The following LGR5 variants were observed in gnomAD, a reference collection of about 807,000 sequenced individuals.
The protein encoded by LGR5 is leucine rich repeat containing G protein-coupled receptor 5, also known as leucine-rich repeat-containing G protein-coupled receptor 5.
LGR5 carries 54 observed loss-of-function variants against 76.7 expected under a neutral mutation model. That is an observed-to-expected ratio of 0.70 (90% CI 0.57 to 0.88). The LOEUF (loss-of-function observed/expected upper bound fraction) is 0.88. LGR5 is among the 40% of genes least tolerant of loss of function. LGR5 has a pLI of 0.00. For synonymous variants in LGR5, 406 were observed against 421.9 expected (o/e 0.96, Z 0.46); for missense variants, 1,078 against 1,073.3 (o/e 1.00, Z -0.06).
At chr12:71,443,146 C>T (rs74101821) in intron 1 of LGR5, among the ~76,000 whole-genome samples, 3,515 of 152,282 alleles carry the variant, frequency 0.023, 128 homozygotes, top group African/African-American at 0.081. Context: ...TTGATGATGG[C>T]AAGTTCCAGC....
In LGR5 at chr12:71,496,762, C is replaced by A. The variant is rs58803257; in HGVS notation, c.213-7852C>A. Among the ~76,000 whole-genome samples, 284 of 152,192 alleles carry A rather than the reference C, an allele frequency of 1.9e-3. 4 individuals are homozygous for A. In the Middle Eastern group the frequency reaches 0.024, roughly 13 times the overall value. On this transcript the variant is annotated intron_variant, in intron 1 of 17. Transcript: ENST00000266674. ...AACACTATGTTGCATTAAGAAGGAA[C>A]AAACTATTGCTATGCACAACATAAG...
chr12:71,577,948 C>G lies in LGR5; in HGVS notation c.1232C>G (p.Ala411Gly), dbSNP rs147277449. 1.5e-5 allele frequency: 24 copies of G among 1,613,398 alleles called. No homozygotes were observed. The African/African-American group carries it at 2.7e-4, about 18-fold the overall frequency. The stretch of plus-strand genomic sequence containing the variant: ...AGGAATTTGGCTTGGAACAAAATTG[C>G]TATTATTCACCCCAATGCATTTTCC... ...RSLNLAWNKI[A>G]IIHPNAFSTL... Residue 411 changes from alanine to glycine, a missense_variant, in exon 14 of 18, where the codon GCT becomes GGT. Ala to Gly is a moderately conservative substitution (Grantham distance 60, BLOSUM62 0). Transcript: ENST00000266674.
At chr12:71,540,150 T>A (rs1032614223) in intron 4 of LGR5, among the ~76,000 whole-genome samples, 3 of 152,158 alleles carry the variant, frequency 2.0e-5, no homozygotes, top group Admixed American at 2.0e-4. Flanking sequence ...AGTTAAGAAA[T>A]CAATCTATTT....
intron 1 of LGR5, among the ~76,000 whole-genome samples, chr12:71,496,480 G>A (rs2137289598): frequency 6.6e-6 from 1 of 151,930 alleles, no homozygotes; most frequent in African/African-American, 2.4e-5. Flanking sequence ...TAGGCTACTT[G>A]TGGGAGTATA....
intron 1 of LGR5, among the ~76,000 whole-genome samples, chr12:71,496,391 A>AAAAAAAGAG (rs1555169618): frequency 4.3e-5 from 5 of 115,054 alleles, no homozygotes; most frequent in Admixed American, 9.6e-5. Context: ...AAAAAAAAAA[A>AAAAAAAGAG]AGAGAGAGAG....
rs114930071 is a variant in LGR5 at position 71,571,676 on chromosome 12, G to A, written c.1136+97G>A. On this transcript the variant is annotated intron_variant, in intron 12 of 17. Transcript: ENST00000266674. The stretch of plus-strand genomic sequence containing the variant: ...TTCATTTACCCTGTGGTTCACTGGG[G>A]AGACATGTGATCCTTTTCCTTCTTA... 1,029 of 828,130 alleles carry A rather than the reference G, an allele frequency of 1.2e-3. 6 individuals carry two copies. The African/African-American group carries it at 0.016, about 13-fold the overall frequency. The allele number at this position is 828,130 out of a possible 1,614,324, so 51.3% of individuals were successfully genotyped here. A position where few individuals can be genotyped will look rare whatever the true frequency, so the allele number is the denominator to read the frequency against.
At position 71,543,927 on chromosome 12, in the gene LGR5, GA is replaced by G. The variant is rs1421561988; in HGVS notation, c.428+8746del. On this transcript the variant is annotated intron_variant, in intron 4 of 17. Coordinates refer to ENST00000266674, the MANE Select transcript of LGR5 (RefSeq NM_003667.4). ...TGGAAGACTAATAGTGCCCCTGATA[GA>G]AAAAGGGTCTTCGTTTTCTATGAAG... 2.0e-5 allele frequency among the ~76,000 whole-genome samples: 3 copies of G among 152,262 alleles called. No homozygotes were observed. The East Asian group carries it at 5.8e-4, about 29-fold the overall frequency.
intron 14 of LGR5, among the ~76,000 whole-genome samples, chr12:71,578,235 T>A (rs951601358): frequency 1.3e-5 from 2 of 152,174 alleles, no homozygotes; most frequent in African/African-American, 4.8e-5. Context: ...CAGCTGAAGT[T>A]TTTTATTTGT....
At chr12:71,511,274 C>T (rs1297661430) in intron 2 of LGR5, among the ~76,000 whole-genome samples, 1 of 152,076 alleles carries the variant, frequency 6.6e-6, no homozygotes, top group Non-Finnish European at 1.5e-5. Flanking sequence ...ATATATTGTC[C>T]CTGGACAGTG....
intron 2 of LGR5, among the ~76,000 whole-genome samples, chr12:71,522,927 C>T (rs913880892): frequency 1.3e-5 from 2 of 152,226 alleles, no homozygotes; most frequent in Non-Finnish European, 2.9e-5. Flanking sequence ...GTTAGTGCTG[C>T]AGACCCAAGA....
chr12:71,547,982 C>A (rs79924918), intron 4 of LGR5, among the ~76,000 whole-genome samples: 20,489 of 151,996 alleles, frequency 0.13, 1,474 homozygotes, highest in South Asian at 0.18. Flanking sequence ...GTAACAGACC[C>A]CCCCCAAAAG....
intron 1 of LGR5, among the ~76,000 whole-genome samples, chr12:71,487,912 T>C (rs750072275): frequency 5.1e-4 from 77 of 152,220 alleles, no homozygotes; most frequent in Non-Finnish European, 8.7e-4. Context: ...CAACAGTAGT[T>C]ATACGCCATC....
chr12:71,536,776 TC>T (rs1437120989), intron 4 of LGR5, among the ~76,000 whole-genome samples: 1 of 152,180 alleles, frequency 6.6e-6, no homozygotes, highest in South Asian at 2.1e-4. Flanking sequence ...AAACCATGAA[TC>T]TTTTGTTCAC....
At chr12:71,474,138 A>G (rs1336025973) in intron 1 of LGR5, among the ~76,000 whole-genome samples, 4 of 76,440 alleles carry the variant, frequency 5.2e-5, no homozygotes, top group Non-Finnish European at 2.7e-5. Flanking sequence ...TTCTATAAAA[A>G]CTAAATACAA....
At chr12:71,460,242 C>T (rs746910603) in intron 1 of LGR5, among the ~76,000 whole-genome samples, 2 of 151,840 alleles carry the variant, frequency 1.3e-5, no homozygotes, top group Non-Finnish European at 2.9e-5. Context: ...ACAACAGTGA[C>T]TGGAAATGAA....
In LGR5 at chr12:71,439,850, C is replaced by G. The variant is rs1871666374; in HGVS notation, c.-231C>G. 4 of 499,234 alleles carry G rather than the reference C, an allele frequency of 8.0e-6. No individual in the cohort carries two copies. The highest frequency in any genetic ancestry group is 4.1e-5 in the African/African-American group (2 of 48,780). 30.9% of individuals were successfully genotyped at this position (499,234 alleles called of 1,614,324 possible). A position where few individuals can be genotyped will look rare whatever the true frequency, so the allele number is the denominator to read the frequency against. The stretch of plus-strand genomic sequence containing the variant: ...CAGCAAGGCGCACCGCCACTGTCGC[C>G]GCTGCAGCCAGGGCTGCTCCGAAGG... On this transcript the variant is annotated 5_prime_UTR_variant, in exon 1 of 18. Transcript: ENST00000266674.
In LGR5 at chr12:71,497,291, G is replaced by T. The variant is rs1326138108; in HGVS notation, c.213-7323G>T. Among the ~76,000 whole-genome samples, 57 of 151,792 alleles carry T rather than the reference G, an allele frequency of 3.8e-4. 1 individual carries two copies. The highest frequency in any genetic ancestry group is 4.4e-5 in the Non-Finnish European group (3 of 67,952). ...GATCATGCCAGTGCACTCCAGCCTG[G>T]GTGACAGAGTGAAACCTTAGTTGAA... On this transcript the variant is annotated intron_variant, in intron 1 of 17. Coordinates refer to ENST00000266674, the MANE Select transcript of LGR5 (RefSeq NM_003667.4).
At chr12:71,453,718 T>A (rs1872344726) in intron 1 of LGR5, among the ~76,000 whole-genome samples, 2 of 150,082 alleles carry the variant, frequency 1.3e-5, no homozygotes, top group South Asian at 4.2e-4. Context: ...TTTTTTTTTT[T>A]ATATTAACTG....
At position 71,586,148 on chromosome 12, in the gene LGR5, C is replaced by G. The variant is rs1351259080; in HGVS notation, c.*1414C>G. On this transcript the variant is annotated 3_prime_UTR_variant, in exon 18 of 18. Coordinates refer to ENST00000266674, the MANE Select transcript of LGR5 (RefSeq NM_003667.4). ...CATGATAATGATAATAAACCTTGTACAGTGGCATATTCTTTGATTTATATT... is the reference window on the plus strand; with the variant it reads ...CATGATAATGATAATAAACCTTGTAGAGTGGCATATTCTTTGATTTATATT... The G allele has an allele frequency of 1.3e-5, 2 of 152,060 alleles. No homozygotes were observed. Among genetic ancestry groups the G allele is most frequent in the African/African-American group, 4.8e-5 (2 of 41,410 alleles). 9.4% of individuals were successfully genotyped at this position (152,060 alleles called of 1,614,324 possible). A position where few individuals can be genotyped will look rare whatever the true frequency, so the allele number is the denominator to read the frequency against.
Sources: allele counts gnomAD v4.1 joint callset (sites outside exome capture counted in the v4.1 genomes callset), GRCh38; gene constraint gnomAD v4.1.1; transcripts MANE v1.5; gene names NCBI Gene and HGNC (gene_info 2026-07-23, HGNC 2026-07-21).